The following RASGRP3 variants were observed in gnomAD, a reference collection of about 807,000 sequenced individuals.
The protein encoded by RASGRP3 is RAS guanyl releasing protein 3.
Under a neutral mutation model 82.7 loss-of-function variants are expected in RASGRP3, and 54 were observed. The ratio of observed to expected loss-of-function variants is 0.65; its 90% CI spans 0.52 to 0.82. RASGRP3 has a LOEUF of 0.82. RASGRP3 is among the 40% of genes least tolerant of loss of function. RASGRP3 has a pLI of 0.00. For synonymous variants in RASGRP3, 309 were observed against 300.5 expected (o/e 1.03, Z -0.29); for missense variants, 861 against 828.9 (o/e 1.04, Z -0.48).
intron 2 of RASGRP3, among the ~76,000 whole-genome samples, chr2:33,450,043 C>T (rs892147952): frequency 4.6e-5 from 7 of 152,126 alleles, no homozygotes; most frequent in Non-Finnish European, 5.9e-5. Context: ...CTAGAGTCTT[C>T]GGAAGACTCA....
intron 2 of RASGRP3, among the ~76,000 whole-genome samples, chr2:33,462,298 G>A (rs1327479914): frequency 6.6e-6 from 1 of 152,038 alleles, no homozygotes; most frequent in Non-Finnish European, 1.5e-5. Context: ...GAGTGAGGCT[G>A]TGATGCAAAG....
intron 14 of RASGRP3, among the ~76,000 whole-genome samples, chr2:33,552,655 C>T (rs1675486453): frequency 6.6e-6 from 1 of 152,100 alleles, no homozygotes; most frequent in Admixed American, 6.6e-5. Context: ...AAATAAATTC[C>T]ATTTTAAGTT....
chr2:33,442,883 G>GTTTTTTTT (rs55978823), intron 1 of RASGRP3, among the ~76,000 whole-genome samples: 1 of 138,568 alleles, frequency 7.2e-6, no homozygotes. Flanking sequence ...AATCACTATT[G>GTTTTTTTT]TTTTTTTTTT....
At chr2:33,443,235 A>T (rs1665322103) in intron 1 of RASGRP3, among the ~76,000 whole-genome samples, 1 of 152,242 alleles carries the variant, frequency 6.6e-6, no homozygotes, top group Non-Finnish European at 1.5e-5. Context: ...GGAGAATAAA[A>T]CAACAAAAAC....
chr2:33,481,328 AT>A (rs1239695870), intron 1 of RASGRP3: 2 of 151,836 alleles, frequency 1.3e-5, no homozygotes, highest in Middle Eastern at 3.1e-3. Flanking sequence ...CGCCTGGCTA[AT>A]TTTTTTGTAT....
rs769234948 is a variant in RASGRP3 at position 33,515,076 on chromosome 2, A to G, written c.-61A>G. On this transcript the variant is annotated 5_prime_UTR_variant, in exon 3 of 18. The change abolishes an upstream ATG in the 5' untranslated region. Coordinates refer to ENST00000403687, the MANE Select transcript of RASGRP3 (RefSeq NM_001139488.2). ...ACTAACATCGCTGACTTGCATGATT[A>G]TGGAGATGGTCTATCTGATGCTGAA... 3 of 1,502,036 alleles carry G rather than the reference A, an allele frequency of 2.0e-6. No individual in the cohort carries two copies. The highest frequency in any genetic ancestry group is 2.8e-6 in the Non-Finnish European group (3 of 1,078,240). The allele number at this position is 1,502,036 out of a possible 1,614,324, so 93.0% of individuals were successfully genotyped here. A position where few individuals can be genotyped will look rare whatever the true frequency, so the allele number is the denominator to read the frequency against.
chr2:33,501,985 T>C (rs1419645493), intron 1 of RASGRP3, among the ~76,000 whole-genome samples: 5 of 152,196 alleles, frequency 3.3e-5, no homozygotes, highest in African/African-American at 1.2e-4. Context: ...GAATAGAGTA[T>C]GAGGGCAGGA....
rs1302229536 is a variant in RASGRP3, at chr2:33,558,110, C to T, written c.1580-101C>T. 5 of 1,442,804 alleles carry T rather than the reference C, an allele frequency of 3.5e-6. No individual in the cohort carries two copies. The Admixed American group carries it at 8.0e-5, about 23-fold the overall frequency. 89.4% of individuals were successfully genotyped at this position (1,442,804 alleles called of 1,614,324 possible). On this transcript the variant is annotated intron_variant, in intron 15 of 17. Coordinates refer to ENST00000403687, the MANE Select transcript of RASGRP3 (RefSeq NM_001139488.2). ...TCAACTCTGAAATTCAACACAGAAA[C>T]TGGGGTGGGGGAGGGGAGGGCTGAC...
chr2:33,539,086 T>G lies in RASGRP3; in HGVS notation c.1162-8T>G. 1.3e-6 allele frequency: 2 copies of G among 1,552,852 alleles called. No individual in the cohort carries two copies. Among genetic ancestry groups the G allele is most frequent in the Non-Finnish European group, 1.7e-6 (2 of 1,145,266 alleles). On this transcript the variant is annotated splice_region_variant and splice_polypyrimidine_tract_variant and intron_variant, in intron 11 of 17. Transcript: ENST00000403687. The stretch of plus-strand genomic sequence containing the variant: ...TGAAAAATATGTGGTTTTTTTTTTG[T>G]TTATCAGCAGCCTACCTCCCCTACG...
Position 33,503,419 on chromosome 2 carries a change from A to G in RASGRP3, c.-260-8291A>G, listed in dbSNP as rs143303159. On this transcript the variant is annotated intron_variant, in intron 1 of 17. Coordinates refer to ENST00000403687, the MANE Select transcript of RASGRP3 (RefSeq NM_001139488.2). The stretch of plus-strand genomic sequence containing the variant: ...AGTTGATGTCTTAGATGGGAGGAAG[A>G]CATATCGTTGGCTCTTGAGATTTGT... Among the ~76,000 whole-genome samples the G allele has an allele frequency of 1.8e-3, 267 of 152,298 alleles. 5 individuals carry two copies. In the East Asian group the frequency reaches 0.048, roughly 27 times the overall value.
intron 1 of RASGRP3, among the ~76,000 whole-genome samples, chr2:33,488,886 T>C (rs2150954829): frequency 6.6e-6 from 1 of 152,336 alleles, no homozygotes; most frequent in East Asian, 1.9e-4. Flanking sequence ...CTCAGTCAAA[T>C]AGCCAGGCAT....
rs958761109 is a variant in RASGRP3, at chr2:33,543,724, G to T, written c.1394+97G>T. On this transcript the variant is annotated intron_variant, in intron 13 of 17. Coordinates refer to ENST00000403687, the MANE Select transcript of RASGRP3 (RefSeq NM_001139488.2). ...GAAACTTGTAATTTGCATCTTGACA[G>T]CTTCAACCCTGGTGCTTTGATGAGC... The T allele has an allele frequency of 3.6e-6, 3 of 823,996 alleles. No homozygotes were observed. The African/African-American group carries it at 5.2e-5, about 14-fold the overall frequency. 51.0% of individuals were successfully genotyped at this position (823,996 alleles called of 1,614,324 possible). A position where few individuals can be genotyped will look rare whatever the true frequency, so the allele number is the denominator to read the frequency against.
intron 9 of RASGRP3, among the ~76,000 whole-genome samples, chr2:33,525,080 C>CAA (rs761878245): frequency 4.8e-4 from 34 of 70,430 alleles, no homozygotes; most frequent in Non-Finnish European, 6.4e-4. Context: ...GACTCCATCT[C>CAA]AAAAAAAAAA....
chr2:33,529,370 C>T (rs1025266209), intron 10 of RASGRP3, among the ~76,000 whole-genome samples: 1 of 150,442 alleles, frequency 6.6e-6, no homozygotes, highest in African/African-American at 2.4e-5. Flanking sequence ...TGGCAGGTGC[C>T]TGTAGTCCCA....
chr2:33,454,006 A>G (rs1342844381), intron 2 of RASGRP3, among the ~76,000 whole-genome samples: 2 of 152,198 alleles, frequency 1.3e-5, no homozygotes, highest in Non-Finnish European at 2.9e-5. Flanking sequence ...GTCTCTGTGG[A>G]TTGAGATGGC....
intron 1 of RASGRP3, among the ~76,000 whole-genome samples, chr2:33,506,492 C>T (rs1371798035): frequency 6.6e-6 from 1 of 152,138 alleles, no homozygotes; most frequent in East Asian, 1.9e-4. Flanking sequence ...GCAATTTTCC[C>T]AACATTATAT....
chr2:33,450,918 A>AACTCCAC (rs1665763714), intron 2 of RASGRP3, among the ~76,000 whole-genome samples: 1 of 133,078 alleles, frequency 7.5e-6, no homozygotes, highest in Admixed American at 8.8e-5. Context: ...GCTCACTGCA[A>AACTCCAC]ACTCCACCTC....
rs1446807646 is a variant in RASGRP3 at position 33,549,661 on chromosome 2, A to G, written c.1452A>G (p.Gln484=). The G allele has an allele frequency of 2.5e-6, 4 of 1,610,084 alleles. No individual in the cohort carries two copies. Among genetic ancestry groups the G allele is most frequent in the Non-Finnish European group, 3.4e-6 (4 of 1,176,328 alleles). The part of the protein sequence containing the change: ...MMAYFLRAKS[Q]LHCKMGPGFI... ...CTTACTTCCTGAGAGCTAAATCCCA[A>G]CTACACTGTAAAATGGGACCAGGAT... Residue 484 remains glutamine (Q), a synonymous_variant, in exon 14 of 18, where the codon CAA becomes CAG. Transcript: ENST00000403687.
intron 1 of RASGRP3, among the ~76,000 whole-genome samples, chr2:33,510,399 G>C (rs1026641786): frequency 1.3e-5 from 2 of 152,140 alleles, no homozygotes; most frequent in Non-Finnish European, 2.9e-5. Context: ...ATACCGTCTG[G>C]GAATTTAGTC....
Sources: allele counts gnomAD v4.1 joint callset (sites outside exome capture counted in the v4.1 genomes callset), GRCh38; gene constraint gnomAD v4.1.1; transcripts MANE v1.5; gene names NCBI Gene and HGNC (gene_info 2026-07-23, HGNC 2026-07-21).